PATJ: variants seen among roughly 807,000 people sequenced by gnomAD.
PATJ encodes PATJ crumbs cell polarity complex component, also known as inaD-like protein.
A neutral mutation model predicts 224.9 loss-of-function variants in PATJ; 190 were observed. That is an observed-to-expected ratio of 0.84 (90% CI 0.75 to 0.95). PATJ has a LOEUF of 0.95. PATJ is among the 40% of genes least tolerant of loss of function. PATJ has a pLI of 0.00. For missense variants in PATJ, 2,121 were observed against 2,270.3 expected (o/e 0.93, Z 1.34); for synonymous variants, 769 against 820.3 (o/e 0.94, Z 1.07).
chr1:62,122,148 T>C (rs1204413220), intron 38 of PATJ, among the ~76,000 whole-genome samples: 2 of 151,764 alleles, frequency 1.3e-5, no homozygotes, highest in South Asian at 4.2e-4. Context: ...GCGGATCACC[T>C]GAGGTCAGGA....
chr1:61,784,634 T>C (rs1648099918), intron 7 of PATJ, among the ~76,000 whole-genome samples: 1 of 152,204 alleles, frequency 6.6e-6, no homozygotes. Context: ...CCAAGCCAAG[T>C]ATGAAAACAC....
chr1:61,954,752 A>ATTTT lies in PATJ; in HGVS notation c.3670+26925_3670+26926insTTTT, dbSNP rs373997284. Among the ~76,000 whole-genome samples, 8 of 112,308 alleles carry ATTTT rather than the reference A, an allele frequency of 7.1e-5. 1 individual carries two copies. Among genetic ancestry groups the ATTTT allele is most frequent in the Admixed American group, 1.2e-4 (1 of 8,318 alleles). 73.7% of individuals were successfully genotyped at this position (112,308 alleles called of 152,430 possible). On this transcript the variant is annotated intron_variant, in intron 27 of 43. Coordinates refer to ENST00000642238, the MANE Select transcript of PATJ (RefSeq NM_001350145.3). ...TTACATTTATGATATGCCAAACTCT[A>ATTTT]TTGTTTTTTTTTTTTTTTTGAGACA...
chr1:62,007,905 A>G (rs1421186878), intron 28 of PATJ, among the ~76,000 whole-genome samples: 1 of 152,208 alleles, frequency 6.6e-6, no homozygotes, highest in African/African-American at 2.4e-5. Context: ...TTAAGGCTTC[A>G]ACATATGAAT....
In PATJ at chr1:61,814,259, T is replaced by C. The variant is rs1209117871; in HGVS notation, c.1683+5729T>C. Among the ~76,000 whole-genome samples the C allele has an allele frequency of 2.0e-5, 3 of 147,934 alleles. No individual in the cohort carries two copies. The South Asian group carries it at 6.7e-4, about 33-fold the overall frequency. ...GCTGGGTTCAAGCAATTTTTCAGCCTCAGCCTCCCGAGTAGCTGGGATTAC... is the reference window on the plus strand; with the variant it reads ...GCTGGGTTCAAGCAATTTTTCAGCCCCAGCCTCCCGAGTAGCTGGGATTAC... On this transcript the variant is annotated intron_variant, in intron 14 of 43. Coordinates refer to ENST00000642238, the MANE Select transcript of PATJ (RefSeq NM_001350145.3).
At chr1:61,943,322 T>C (rs1678112122) in intron 27 of PATJ, among the ~76,000 whole-genome samples, 2 of 151,888 alleles carry the variant, frequency 1.3e-5, no homozygotes, top group Admixed American at 1.3e-4. Context: ...GTGCGAGGGG[T>C]CAGGGAATTC....
chr1:61,855,172 T>C (rs938740110), intron 17 of PATJ, among the ~76,000 whole-genome samples: 5 of 152,150 alleles, frequency 3.3e-5, no homozygotes, highest in Non-Finnish European at 7.4e-5. Flanking sequence ...GGAGCTTACT[T>C]ACGGCTCTAG....
At chr1:62,143,389 A>C (rs1046687212) in intron 41 of PATJ, among the ~76,000 whole-genome samples, 1 of 151,550 alleles carries the variant, frequency 6.6e-6, no homozygotes, top group African/African-American at 2.4e-5. Context: ...TTGAGATATT[A>C]AAATGCAGAT....
chr1:61,869,255 C>T (rs1056341707), intron 20 of PATJ, among the ~76,000 whole-genome samples: 40 of 150,326 alleles, frequency 2.7e-4, no homozygotes, highest in East Asian at 1.6e-3. Context: ...TACAGGCGCC[C>T]GCCACTACGC....
At chr1:61,758,374 G>A (rs987581752) in intron 1 of PATJ, among the ~76,000 whole-genome samples, 1 of 152,056 alleles carries the variant, frequency 6.6e-6, no homozygotes, top group Non-Finnish European at 1.5e-5. Flanking sequence ...TTGAGATGAA[G>A]TTTTGCTCTT....
At chr1:62,063,063 A>T (rs1267546287) in intron 31 of PATJ, among the ~76,000 whole-genome samples, 1 of 152,202 alleles carries the variant, frequency 6.6e-6, no homozygotes, top group Non-Finnish European at 1.5e-5. Flanking sequence ...TTGAGCACTC[A>T]GTTACAAATT....
At chr1:62,140,248 A>G (rs10157504) in intron 41 of PATJ, among the ~76,000 whole-genome samples, 5,115 of 152,120 alleles carry the variant, frequency 0.034, 151 homozygotes, top group South Asian at 0.13. Flanking sequence ...AGTTTTTTTC[A>G]TTTCGGGGTG....
intron 26 of PATJ, among the ~76,000 whole-genome samples, chr1:61,922,101 A>G (rs1674419489): frequency 1.3e-5 from 2 of 151,938 alleles, no homozygotes; most frequent in Admixed American, 1.3e-4. Flanking sequence ...GGAGTGCAGT[A>G]GTGCAATCTC....
chr1:61,879,833 A>ATTT (rs11386909), intron 21 of PATJ, among the ~76,000 whole-genome samples: 3 of 145,588 alleles, frequency 2.1e-5, no homozygotes, highest in African/African-American at 2.5e-5. Flanking sequence ...TACTCCATCT[A>ATTT]TTTTTTTTTT....
Position 61,802,679 on chromosome 1 carries a change from T to TAAAA in PATJ, c.1549+912_1549+913insAAAA, listed in dbSNP as rs1188335517. On this transcript the variant is annotated intron_variant, in intron 12 of 43. Coordinates refer to ENST00000642238, the MANE Select transcript of PATJ (RefSeq NM_001350145.3). ...ACATGTTTTTTATTATAAAAATTAA[T>TAAAA]AATGTATGCATTTCTATAAGTTGCA... Among the ~76,000 whole-genome samples the TAAAA allele has an allele frequency of 4.6e-5, 7 of 152,368 alleles. No homozygotes were observed. The South Asian group carries it at 1.0e-3, about 23-fold the overall frequency.
At chr1:62,011,761 GA>G (rs1646466520) in intron 28 of PATJ, among the ~76,000 whole-genome samples, 2 of 151,326 alleles carry the variant, frequency 1.3e-5, no homozygotes, top group Non-Finnish European at 2.9e-5. Flanking sequence ...CCTATATACT[GA>G]AAAAAGTGTC....
At chr1:62,150,539 T>C (rs991808466) in intron 42 of PATJ, among the ~76,000 whole-genome samples, 1 of 151,932 alleles carries the variant, frequency 6.6e-6, no homozygotes, top group Non-Finnish European at 1.5e-5. Context: ...GGATCCAGCA[T>C]AGTGGTGCAT....
chr1:61,829,679 C>T (rs12096751), intron 16 of PATJ, among the ~76,000 whole-genome samples: 3,061 of 152,232 alleles, frequency 0.02, 109 homozygotes, highest in African/African-American at 0.07. Flanking sequence ...TCTATAAACA[C>T]AGGTTTTGTA....
chr1:61,920,636 G>A (rs116257617), intron 26 of PATJ, among the ~76,000 whole-genome samples: 2,250 of 150,260 alleles, frequency 0.015, 62 homozygotes, highest in African/African-American at 0.052. Context: ...GTTGGAATTC[G>A]TTAAGCCACA....
chr1:61,949,851 A>G (rs945321340), intron 27 of PATJ, among the ~76,000 whole-genome samples: 2 of 152,288 alleles, frequency 1.3e-5, no homozygotes, highest in Admixed American at 6.5e-5. Context: ...GCAGTGAGCC[A>G]AGATCACACC....
Sources: allele counts gnomAD v4.1 joint callset (sites outside exome capture counted in the v4.1 genomes callset), GRCh38; gene constraint gnomAD v4.1.1; transcripts MANE v1.5; gene names NCBI Gene and HGNC (gene_info 2026-07-23, HGNC 2026-07-21).